CNTN4: variants seen among roughly 807,000 people sequenced by gnomAD.
The protein encoded by CNTN4 is contactin-4.
A neutral mutation model predicts 122.5 loss-of-function variants in CNTN4; 77 were observed. The observed-to-expected ratio is 0.63, with a 90% CI of 0.52 to 0.76. The LOEUF (loss-of-function observed/expected upper bound fraction) is 0.76, where lower values mean the gene tolerates loss of function less well. Among genes scored for constraint, CNTN4 ranks in the 30% least tolerant of loss-of-function variants. The probability of loss-of-function intolerance (pLI) is 0.00; values close to 1 mark genes in which losing one functional copy is unlikely to be tolerated. For synonymous variants in CNTN4, 512 were observed against 447.0 expected (o/e 1.15, Z -1.83); for missense variants, 1,256 against 1,259.1 (o/e 1.00, Z 0.04).
At chr3:2,748,307 C>G (rs1347607229) in intron 6 of CNTN4, among the ~76,000 whole-genome samples, 1 of 152,100 alleles carries the variant, frequency 6.6e-6, no homozygotes, top group African/African-American at 2.4e-5. Flanking sequence ...CCAGTGCTAC[C>G]CAACCACGTT....
At chr3:2,172,081 CT>C (rs763617019) in intron 2 of CNTN4, among the ~76,000 whole-genome samples, 3 of 152,186 alleles carry the variant, frequency 2.0e-5, no homozygotes, top group Non-Finnish European at 4.4e-5. Context: ...AAGCTATTTA[CT>C]AAGTCAAGTT....
At chr3:2,801,498 T>A (rs1433032691) in intron 6 of CNTN4, among the ~76,000 whole-genome samples, 1 of 152,176 alleles carries the variant, frequency 6.6e-6, no homozygotes, top group Non-Finnish European at 1.5e-5. Flanking sequence ...GCACAGTATG[T>A]CAATTAAATA....
At chr3:2,490,251 G>C (rs1407350063) in intron 3 of CNTN4, among the ~76,000 whole-genome samples, 1 of 152,210 alleles carries the variant, frequency 6.6e-6, no homozygotes, top group African/African-American at 2.4e-5. Flanking sequence ...TGCCGGTGTA[G>C]GCTGCACTTT....
At chr3:2,866,581 C>A in intron 7 of CNTN4, 171 bp from the exon 8 acceptor site, 1 of 1,187,952 alleles carries the variant, frequency 8.4e-7, no homozygotes. Context: ...AGTAGAAAGG[C>A]TGGTAAAATG....
chr3:2,355,252 T>C (rs1056510617), intron 3 of CNTN4, among the ~76,000 whole-genome samples: 3 of 152,220 alleles, frequency 2.0e-5, no homozygotes, highest in African/African-American at 7.2e-5. Flanking sequence ...ACTAGAGATA[T>C]TTTGCTCAAG....
rs184663411 is a variant in CNTN4 at position 2,841,550 on chromosome 3, C to T, written c.454+21969C>T. Among the ~76,000 whole-genome samples, 291 of 152,276 alleles carry T rather than the reference C, an allele frequency of 1.9e-3. 3 individuals are homozygous for T. Among genetic ancestry groups the T allele is most frequent in the Middle Eastern group, 6.8e-3 (2 of 294 alleles). On this transcript the variant is annotated intron_variant, in intron 7 of 24. Coordinates refer to ENST00000418658, the MANE Select transcript of CNTN4 (RefSeq NM_175607.3). This position sits in a 1 kb window ranked among gnomAD's most constrained non-coding sequence, Gnocchi z 4.8. ...AAGAGATTAATTTATTATTCCCAAT[C>T]GGGCTCCAACCCTCAAACTATATTT...
At chr3:2,693,629 G>C (rs1244783596) in intron 4 of CNTN4, among the ~76,000 whole-genome samples, 2 of 152,084 alleles carry the variant, frequency 1.3e-5, no homozygotes, top group Non-Finnish European at 2.9e-5. Flanking sequence ...AGTCTGGAGA[G>C]AAAAAATGAA....
chr3:2,763,128 G>A (rs2149706499), intron 6 of CNTN4, among the ~76,000 whole-genome samples: 1 of 151,994 alleles, frequency 6.6e-6, no homozygotes, highest in Non-Finnish European at 1.5e-5. Context: ...TGTATTTTTA[G>A]TAGAGACGGG....
At chr3:2,335,341 G>A (rs1265846817) in intron 2 of CNTN4, among the ~76,000 whole-genome samples, 1 of 152,020 alleles carries the variant, frequency 6.6e-6, no homozygotes, top group Non-Finnish European at 1.5e-5. Context: ...TTTCTGCATA[G>A]TATGAACTGG....
intron 6 of CNTN4, among the ~76,000 whole-genome samples, chr3:2,781,850 G>T (rs575234621): frequency 7.8e-6 from 1 of 127,580 alleles, no homozygotes; most frequent in Non-Finnish European, 1.6e-5. Flanking sequence ...TCAGCCTCCC[G>T]AGTAGCTGGG....
intron 2 of CNTN4, among the ~76,000 whole-genome samples, chr3:2,241,327 A>ATAGT: frequency 6.6e-6 from 1 of 152,224 alleles, no homozygotes; most frequent in South Asian, 2.1e-4. Flanking sequence ...CATTGGATAG[A>ATAGT]TAGTTACAAT....
intron 2 of CNTN4, among the ~76,000 whole-genome samples, chr3:2,111,645 T>C (rs545061705): frequency 6.6e-6 from 1 of 152,258 alleles, no homozygotes; most frequent in African/African-American, 2.4e-5. Context: ...TTAGTATATA[T>C]ACAAATATAT....
chr3:2,698,533 A>C (rs908541429), intron 4 of CNTN4, among the ~76,000 whole-genome samples: 1 of 152,168 alleles, frequency 6.6e-6, no homozygotes, highest in South Asian at 2.1e-4. Flanking sequence ...TGTGGTGATT[A>C]ATTTTTTAAA....
chr3:2,815,827 C>G (rs2092712494), intron 6 of CNTN4, among the ~76,000 whole-genome samples: 1 of 150,102 alleles, frequency 6.7e-6, no homozygotes, highest in Non-Finnish European at 1.5e-5. Context: ...AATCGTGGAA[C>G]CAACACAAGT....
chr3:2,450,864 A>G (rs553264253), intron 3 of CNTN4, among the ~76,000 whole-genome samples: 24 of 152,208 alleles, frequency 1.6e-4, no homozygotes, highest in African/African-American at 5.5e-4. Context: ...GAAAAGGCAG[A>G]CCCTGTCCTC....
At position 3,056,179 on chromosome 3, in the gene CNTN4, A is replaced by G; in HGVS notation, c.3040A>G (p.Ser1014Gly). Residue 1014 changes from serine (S) to glycine (G), a missense_variant, in exon 25 of 25, where the codon AGT becomes GGT. Physicochemically the swap from Ser to Gly is moderately conservative, Grantham distance 56. Coordinates refer to ENST00000418658, the MANE Select transcript of CNTN4 (RefSeq NM_175607.3). Reference protein sequence around the residue: ...TSNACTLSAISTIMISLTARS... With the variant: ...TSNACTLSAIGTIMISLTARS... ...GAATGCATGTACGCTGTCAGCCATCAGTACAATAATGATTTCCCTCACAGC... is the reference window on the plus strand; with the variant it reads ...GAATGCATGTACGCTGTCAGCCATCGGTACAATAATGATTTCCCTCACAGC... The G allele has an allele frequency of 1.2e-6, 2 of 1,614,158 alleles. No individual in the cohort carries two copies. Among genetic ancestry groups the G allele is most frequent in the East Asian group, 2.2e-5 (1 of 44,890 alleles).
chr3:2,569,967 C>G (rs1008434737), intron 3 of CNTN4, among the ~76,000 whole-genome samples: 23 of 151,918 alleles, frequency 1.5e-4, no homozygotes, highest in Non-Finnish European at 2.9e-4. Flanking sequence ...TGCCTTGTTC[C>G]TCTTGATGGG....
At chr3:2,867,255 C>G (rs1210486592) in intron 8 of CNTN4, among the ~76,000 whole-genome samples, 1 of 152,108 alleles carries the variant, frequency 6.6e-6, no homozygotes, top group Non-Finnish European at 1.5e-5. Flanking sequence ...TATACACAGT[C>G]AGAATGAAGT....
intron 4 of CNTN4, among the ~76,000 whole-genome samples, chr3:2,575,324 C>T (rs1288155016): frequency 6.6e-6 from 1 of 151,996 alleles, no homozygotes; most frequent in African/African-American, 2.4e-5. Flanking sequence ...GCAGTGTGGC[C>T]AACATGGCGA....
Sources: allele counts gnomAD v4.1 joint callset (sites outside exome capture counted in the v4.1 genomes callset), GRCh38; gene constraint gnomAD v4.1.1; non-coding constraint Gnocchi (gnomAD v3.1); transcripts MANE v1.5; gene names NCBI Gene and HGNC (gene_info 2026-07-23, HGNC 2026-07-21).